ACOT7: variants seen among roughly 807,000 people sequenced by gnomAD.
ACOT7 encodes the protein acyl-CoA thioesterase 7.
In ACOT7, 12 loss-of-function variants were observed where a neutral mutation model predicts 40.2. That is an observed-to-expected ratio of 0.30 (90% CI 0.19 to 0.48). The LOEUF (loss-of-function observed/expected upper bound fraction) is 0.48, where lower values mean the gene tolerates loss of function less well. Ranked by LOEUF, ACOT7 falls within the 20% of genes least tolerant of loss-of-function variation. The pLI is 0.99. For synonymous variants in ACOT7, 228 were observed against 219.5 expected, an observed-to-expected ratio of 1.04 and a Z score of -0.34; for missense variants, 395 against 530.8, an observed-to-expected ratio of 0.74 and a Z score of 2.51.
intron 8 of ACOT7, among the ~76,000 whole-genome samples, chr1:6,270,310 G>C (rs1460555446): frequency 6.6e-6 from 1 of 152,218 alleles, no homozygotes; most frequent in Admixed American, 6.5e-5. Context: ...AGGGTTGGGG[G>C]TGGGTGGAGG....
rs1186451550 is a variant in ACOT7 at position 6,264,603 on chromosome 1, C to G, written c.1107G>C (p.Gln369His). ...AGTGGCAGGAGGAGGGAGTCTAGGG[C>G]TGAGGCTCCGCGTGGCCCTGTCGCT... The part of the protein sequence containing the change: ...KAKRQGHAEP[Q>H]P Residue 369 changes from glutamine (Q) to histidine (H), a missense_variant, in exon 9 of 9, where the codon CAG (glutamine) becomes CAC (histidine). Around this residue, in one of 2 missense-constraint regions of ACOT7, gnomAD observed 309 missense variants for 470.3 expected, o/e 0.66. Coordinates refer to ENST00000361521, the MANE Select transcript of ACOT7 (RefSeq NM_007274.4). 2 of 1,612,012 alleles carry G rather than the reference C, an allele frequency of 1.2e-6. No individual in the cohort carries two copies. The highest frequency in any genetic ancestry group is 1.7e-6 in the Non-Finnish European group (2 of 1,179,574).
At chr1:6,308,978 G>A (rs1002708737) in intron 6 of ACOT7, among the ~76,000 whole-genome samples, 1 of 152,168 alleles carries the variant, frequency 6.6e-6, no homozygotes, top group Non-Finnish European at 1.5e-5. Context: ...AAACCACTAC[G>A]TCCTGGCCAC....
intron 1 of ACOT7, among the ~76,000 whole-genome samples, chr1:6,354,983 A>G (rs1641702965): frequency 6.6e-6 from 1 of 151,924 alleles, no homozygotes; most frequent in Admixed American, 6.6e-5. Flanking sequence ...TCCCATCTAC[A>G]GAATAAAGAC....
intron 1 of ACOT7, among the ~76,000 whole-genome samples, chr1:6,392,891 C>T (rs1321602730): frequency 2.6e-5 from 4 of 152,178 alleles, no homozygotes; most frequent in Non-Finnish European, 4.4e-5. Flanking sequence ...CCGGGATGCT[C>T]GGGCGAGGCC....
chr1:6,265,441 T>C (rs1434428998), intron 8 of ACOT7, among the ~76,000 whole-genome samples: 1 of 152,152 alleles, frequency 6.6e-6, no homozygotes, highest in Non-Finnish European at 1.5e-5. Context: ...GTCACCACGC[T>C]CTGGACCGTA....
At chr1:6,276,665 C>G (rs1639200534) in intron 8 of ACOT7, among the ~76,000 whole-genome samples, 1 of 151,912 alleles carries the variant, frequency 6.6e-6, no homozygotes, top group Non-Finnish European at 1.5e-5. Context: ...CATGCAGGTT[C>G]ACCGCACGGA....
In ACOT7 at chr1:6,305,203, T is replaced by TC. The variant is rs1346611796; in HGVS notation, c.713-10224dup. On this transcript the variant is annotated intron_variant, in intron 6 of 8. Coordinates refer to ENST00000361521, the MANE Select transcript of ACOT7 (RefSeq NM_007274.4). ...AGGCGGCTGGCCGGGCGGGGGGCTGTCCCCCCCACATCCTTCCCGGACGGG... is the reference window on the plus strand; with the variant it reads ...AGGCGGCTGGCCGGGCGGGGGGCTGTCCCCCCCCACATCCTTCCCGGACGGG... Among the ~76,000 whole-genome samples the TC allele has an allele frequency of 1.4e-4, 16 of 116,330 alleles. 1 individual carries two copies. In the South Asian group the frequency reaches 3.8e-3, roughly 27 times the overall value. 76.3% of individuals were successfully genotyped at this position (116,330 alleles called of 152,430 possible).
Position 6,281,207 on chromosome 1 carries a change from G to A in ACOT7, c.909C>T (p.Asp303=), listed in dbSNP as rs768954851. ...SMEIEVLVDA[D]PVVDSSQKRY... is the part of the protein sequence containing the mutation. ...GCTTCTGAGAGCTGTCCACAACAGG[G>A]TCGGCGTCCACCAACACCTCGATCT... The change falls in exon 8 of 9, where the codon GAC becomes GAT. Residue 303 remains aspartate (D), a synonymous_variant. Coordinates refer to ENST00000361521, the MANE Select transcript of ACOT7 (RefSeq NM_007274.4). The A allele has an allele frequency of 1.2e-6, 2 of 1,614,048 alleles. No homozygotes were observed. Among genetic ancestry groups the A allele is most frequent in the Non-Finnish European group, 1.7e-6 (2 of 1,180,044 alleles).
At chr1:6,372,330 T>C (rs768952059) in intron 1 of ACOT7, among the ~76,000 whole-genome samples, 26 of 152,222 alleles carry the variant, frequency 1.7e-4, no homozygotes, top group Non-Finnish European at 3.2e-4. Context: ...GCTGATTTCA[T>C]CTTCTCTCCA....
Position 6,338,462 on chromosome 1 carries a change from G to C in ACOT7, c.418+971C>G, listed in dbSNP as rs76000918. ...TCTGATGTCAGAGGTGCCTGCTGAG[G>C]GAGCAGCAGGCAATGGGAACGCAGA... On this transcript the variant is annotated intron_variant, in intron 3 of 8. Coordinates refer to ENST00000361521, the MANE Select transcript of ACOT7 (RefSeq NM_007274.4). The surrounding 1 kb of genome is among the most constrained non-coding windows in gnomAD (Gnocchi z 4.4). 0.022 allele frequency among the ~76,000 whole-genome samples: 3,426 copies of C among 152,294 alleles called. 121 individuals carry two copies. Among genetic ancestry groups the C allele is most frequent in the African/African-American group, 0.077 (3,221 of 41,562 alleles).
At chr1:6,349,009 T>C (rs1323299873) in intron 2 of ACOT7, among the ~76,000 whole-genome samples, 1 of 152,178 alleles carries the variant, frequency 6.6e-6, no homozygotes. Context: ...AGCCCCATAG[T>C]GCAGAGGCTG....
At chr1:6,325,005 C>T (rs1640758951) in intron 5 of ACOT7, among the ~76,000 whole-genome samples, 2 of 152,234 alleles carry the variant, frequency 1.3e-5, no homozygotes, top group Admixed American at 6.5e-5. Context: ...GGGCTGCCCT[C>T]CCAAAAGCAC....
At chr1:6,335,956 G>A (rs562230740) in intron 3 of ACOT7, among the ~76,000 whole-genome samples, 53 of 152,288 alleles carry the variant, frequency 3.5e-4, no homozygotes, top group African/African-American at 1.2e-3. Flanking sequence ...TGGCCCTCTG[G>A]ACCTAAATGA....
rs1641616412 is a variant in ACOT7, at chr1:6,352,438, G to A, written c.144-2572C>T. On this transcript the variant is annotated intron_variant, in intron 1 of 8. Transcript: ENST00000361521. The surrounding 1 kb of genome is among the most constrained non-coding windows in gnomAD (Gnocchi z 4.5). ...GCCTCCAGGACCCATAAACAGCTCTGTCACTCTCTCAGGCCCCGCCCCATG... is the reference window on the plus strand; with the variant it reads ...GCCTCCAGGACCCATAAACAGCTCTATCACTCTCTCAGGCCCCGCCCCATG... Among the ~76,000 whole-genome samples, 9 of 152,186 alleles carry A rather than the reference G, an allele frequency of 5.9e-5. No homozygotes were observed. In the South Asian group the frequency reaches 1.9e-3, roughly 32 times the overall value.
intron 8 of ACOT7, among the ~76,000 whole-genome samples, chr1:6,272,893 C>T (rs1351833866): frequency 6.6e-6 from 1 of 152,264 alleles, no homozygotes; most frequent in African/African-American, 2.4e-5. Context: ...CACCCACGGG[C>T]CTCTCCTGGT....
chr1:6,341,041 C>T (rs1002981535), intron 2 of ACOT7, among the ~76,000 whole-genome samples: 1 of 151,628 alleles, frequency 6.6e-6, no homozygotes, highest in South Asian at 2.1e-4. Flanking sequence ...ATCTCAAAAA[C>T]AACAACAACA....
intron 1 of ACOT7, among the ~76,000 whole-genome samples, chr1:6,390,117 T>C (rs1012989136): frequency 2.0e-5 from 3 of 152,170 alleles, no homozygotes; most frequent in African/African-American, 7.2e-5. Flanking sequence ...GTCAAGCCGA[T>C]GGAACCACAG....
chr1:6,324,615 C>A (rs893312432), intron 5 of ACOT7, among the ~76,000 whole-genome samples: 1 of 152,190 alleles, frequency 6.6e-6, no homozygotes, highest in East Asian at 1.9e-4. Context: ...GCCCACACCC[C>A]CCGGGGTCTG....
intron 1 of ACOT7, 121 bp from the exon 2 acceptor site, chr1:6,349,987 T>C (rs1471997639): frequency 1.0e-6 from 1 of 956,998 alleles, no homozygotes; most frequent in East Asian, 2.5e-5. Context: ...AAAGAGAACC[T>C]TCCCAATGTT....
Sources: allele counts gnomAD v4.1 joint callset (sites outside exome capture counted in the v4.1 genomes callset), GRCh38; gene constraint gnomAD v4.1.1; regional missense constraint gnomAD v4.1.1; non-coding constraint Gnocchi (gnomAD v3.1); transcripts MANE v1.5; gene names NCBI Gene and HGNC (gene_info 2026-07-23, HGNC 2026-07-21).